UTRN: variants seen among roughly 807,000 people sequenced by gnomAD.
UTRN encodes the protein utrophin.
Under a neutral mutation model 463.9 loss-of-function variants are expected in UTRN, and 283 were observed. That is an observed-to-expected ratio of 0.61 (90% CI 0.55 to 0.67). The LOEUF is 0.67. Ranked by LOEUF, UTRN falls within the 30% of genes least tolerant of loss-of-function variation. The probability of loss-of-function intolerance (pLI) is 0.00; values close to 1 mark genes in which losing one functional copy is unlikely to be tolerated. For synonymous variants in UTRN, 1,442 were observed against 1,431.5 expected, an observed-to-expected ratio of 1.01 and a Z score of -0.17; for missense variants, 3,922 against 4,084.3, an observed-to-expected ratio of 0.96 and a Z score of 1.08.
rs745476418 is a variant in UTRN, at chr6:144,286,320, G to A, written c.-93+499G>A. 6.6e-6 allele frequency among the ~76,000 whole-genome samples: 1 copy of A among 152,148 alleles called. No individual in the cohort carries two copies. On this transcript the variant is annotated intron_variant, in intron 1 of 74. Transcript: ENST00000367545. This position sits in a 1 kb window ranked among gnomAD's most constrained non-coding sequence, Gnocchi z 4.4. ...CCACAGGAGAGGGTGGGCAGAGGGT[G>A]GCTGTGTGGTCGGCGGCCAGCGGAG...
At chr6:144,805,736 A>G (rs1279056253) in intron 65 of UTRN, among the ~76,000 whole-genome samples, 4 of 152,098 alleles carry the variant, frequency 2.6e-5, no homozygotes, top group African/African-American at 9.7e-5. Context: ...GTACAACTGC[A>G]TAAGTGCAAT....
chr6:144,299,586 G>A (rs548302022), intron 2 of UTRN, among the ~76,000 whole-genome samples: 2 of 152,028 alleles, frequency 1.3e-5, no homozygotes, highest in East Asian at 1.9e-4. Flanking sequence ...ATCTAGTGCC[G>A]ACATATTTCT....
rs1554339291 is a variant in UTRN at position 144,690,074 on chromosome 6, G to GTTTTTTTTTTT, written c.7653-10001_7653-9991dup. Among the ~76,000 whole-genome samples the GTTTTTTTTTTT allele has an allele frequency of 1.2e-3, 36 of 31,276 alleles. 14 individuals are homozygous for GTTTTTTTTTTT. Among genetic ancestry groups the GTTTTTTTTTTT allele is most frequent in the East Asian group, 2.3e-3 (1 of 444 alleles). The allele number at this position is 31,276 out of a possible 152,430, so 20.5% of individuals were successfully genotyped here. Reference sequence around the variant, plus strand: ...GGCCATAGAGCTCCCAAAAGTTTCTGTTTTTTTTTTTTTTTTTTTTTTGTG... The same window carrying GTTTTTTTTTTT: ...GGCCATAGAGCTCCCAAAAGTTTCTGTTTTTTTTTTTTTTTTTTTTTTTTTTTTTTTTTGTG... On this transcript the variant is annotated intron_variant, in intron 52 of 74. Transcript: ENST00000367545.
rs374082492 is a variant in UTRN at position 144,380,151 on chromosome 6, G to T, written c.80-22972G>T. On this transcript the variant is annotated intron_variant, in intron 2 of 74. Coordinates refer to ENST00000367545, the MANE Select transcript of UTRN (RefSeq NM_007124.3). Reference sequence around the variant, plus strand: ...AATTAAGAATGGAAATCAGCATTAGGAATGCATAATAACAGAGTGGGAGAT... The same window carrying T: ...AATTAAGAATGGAAATCAGCATTAGTAATGCATAATAACAGAGTGGGAGAT... 5.9e-5 allele frequency among the ~76,000 whole-genome samples: 9 copies of T among 152,202 alleles called. No homozygotes were observed. The East Asian group carries it at 9.6e-4, about 16-fold the overall frequency.
chr6:144,548,584 C>T, intron 46 of UTRN, 56 bp from the exon 47 acceptor site: 3 of 1,533,706 alleles, frequency 2.0e-6, no homozygotes, highest in Non-Finnish European at 2.7e-6. Context: ...CATGACACCA[C>T]CATAATTAAA....
intron 2 of UTRN, among the ~76,000 whole-genome samples, chr6:144,294,537 A>G (rs1584163821): frequency 6.6e-6 from 1 of 152,156 alleles, no homozygotes; most frequent in Non-Finnish European, 1.5e-5. Flanking sequence ...ATTTTTTAAA[A>G]GGGAATACTT....
chr6:144,737,758 A>G (rs78747582), intron 54 of UTRN, among the ~76,000 whole-genome samples: 3,740 of 152,196 alleles, frequency 0.025, 149 homozygotes, highest in African/African-American at 0.084. Context: ...TTTGAGCAAT[A>G]TGGAAATACT....
At chr6:144,431,463 G>A (rs765048442) in intron 9 of UTRN, among the ~76,000 whole-genome samples, 2 of 152,202 alleles carry the variant, frequency 1.3e-5, no homozygotes, top group Non-Finnish European at 2.9e-5. Context: ...CTCTGACATA[G>A]CTTGCCATCT....
chr6:144,699,095 G>T (rs544847345), intron 52 of UTRN, among the ~76,000 whole-genome samples: 1 of 152,118 alleles, frequency 6.6e-6, no homozygotes, highest in Non-Finnish European at 1.5e-5. Flanking sequence ...ACAACAGAAG[G>T]AGTTTTTGGT....
intron 2 of UTRN, among the ~76,000 whole-genome samples, chr6:144,308,893 T>G (rs1805989507): frequency 6.6e-6 from 1 of 152,170 alleles, no homozygotes; most frequent in Non-Finnish European, 1.5e-5. Context: ...ATGAAAGAGC[T>G]CCTCAAAGAT....
chr6:144,438,577 A>C (rs764622597), intron 11 of UTRN, among the ~76,000 whole-genome samples, 168 bp from the exon 12 acceptor site: 31 of 152,244 alleles, frequency 2.0e-4, no homozygotes, highest in Non-Finnish European at 3.8e-4. Context: ...CATTTAGGAC[A>C]AAATAAAAGT....
intron 36 of UTRN, among the ~76,000 whole-genome samples, 170 bp from the exon 37 acceptor site, chr6:144,514,480 G>C (rs1795445025): frequency 6.6e-6 from 1 of 152,130 alleles, no homozygotes; most frequent in Non-Finnish European, 1.5e-5. Context: ...TTACCTCTGT[G>C]TTCTCCAATG....
At chr6:144,292,452 T>G (rs1476784200) in intron 2 of UTRN, among the ~76,000 whole-genome samples, 2 of 152,130 alleles carry the variant, frequency 1.3e-5, no homozygotes, top group Admixed American at 6.5e-5. Flanking sequence ...ACACGAACAG[T>G]TAAATTGGGG....
intron 41 of UTRN, among the ~76,000 whole-genome samples, chr6:144,527,215 G>A (rs143809049): frequency 0.011 from 1,736 of 152,306 alleles, 20 homozygotes; most frequent in Non-Finnish European, 0.018. Flanking sequence ...AATTCTCTCA[G>A]TATTTGTTTG....
intron 51 of UTRN, among the ~76,000 whole-genome samples, chr6:144,591,392 G>T (rs1382897941): frequency 6.6e-6 from 1 of 152,152 alleles, no homozygotes. Flanking sequence ...GACCAGTGGG[G>T]CTTGTGATAG....
chr6:144,522,501 G>A (rs1047238267), intron 40 of UTRN, among the ~76,000 whole-genome samples: 1 of 152,054 alleles, frequency 6.6e-6, no homozygotes, highest in African/African-American at 2.4e-5. Flanking sequence ...CATTTATCAG[G>A]CAATCTATAA....
intron 59 of UTRN, 63 bp downstream of exon 59, chr6:144,772,031 T>TG: frequency 2.9e-6 from 3 of 1,041,978 alleles, no homozygotes; most frequent in South Asian, 1.8e-5. Context: ...TTTTTTTTTT[T>TG]TTTTTTTTTT....
chr6:144,692,939 T>A (rs1783585449), intron 52 of UTRN, among the ~76,000 whole-genome samples: 1 of 152,126 alleles, frequency 6.6e-6, no homozygotes, highest in African/African-American at 2.4e-5. Flanking sequence ...GCTTTTGGTG[T>A]CTTCATCATG....
chr6:144,662,762 G>A (rs1241981083), intron 51 of UTRN, among the ~76,000 whole-genome samples: 2 of 152,142 alleles, frequency 1.3e-5, no homozygotes, highest in Admixed American at 1.3e-4. Context: ...GTTATAGACT[G>A]GTCAGATCAT....
Sources: allele counts gnomAD v4.1 joint callset (sites outside exome capture counted in the v4.1 genomes callset), GRCh38; gene constraint gnomAD v4.1.1; non-coding constraint Gnocchi (gnomAD v3.1); transcripts MANE v1.5; gene names NCBI Gene and HGNC (gene_info 2026-07-23, HGNC 2026-07-21).